The following FSTL4 variants were observed in gnomAD, a reference collection of about 807,000 sequenced individuals.
FSTL4 encodes follistatin like 4, also known as follistatin-related protein 4.
In FSTL4, 28 loss-of-function variants were observed where a neutral mutation model predicts 78.2. That is an observed-to-expected ratio of 0.36 (90% CI 0.27 to 0.49). The LOEUF is 0.49. FSTL4 is among the 20% of genes least tolerant of loss of function. The probability of loss-of-function intolerance (pLI) is 0.98; values close to 1 mark genes in which losing one functional copy is unlikely to be tolerated. For synonymous variants in FSTL4, 422 were observed against 440.5 expected, an observed-to-expected ratio of 0.96 and a Z score of 0.53; for missense variants, 922 against 1,084.9, an observed-to-expected ratio of 0.85 and a Z score of 2.11.
intron 4 of FSTL4, among the ~76,000 whole-genome samples, chr5:133,353,580 G>A (rs1216519332): frequency 6.6e-6 from 1 of 152,186 alleles, no homozygotes; most frequent in African/African-American, 2.4e-5. Context: ...TAGAAAATGA[G>A]GGACAGAGCT....
At chr5:133,626,510 C>G in the FSTL4 span, among the ~76,000 whole-genome samples, 3 of 150,540 alleles carry the variant, frequency 2.0e-5, no homozygotes, top group African/African-American at 7.3e-5. Context: ...GCCCTCTTTT[C>G]TAAGGTATGC....
At chr5:133,279,201 C>T (rs1019184408) in intron 6 of FSTL4, among the ~76,000 whole-genome samples, 12 of 152,338 alleles carry the variant, frequency 7.9e-5, no homozygotes, top group South Asian at 6.2e-4. Context: ...TGTTAGGAGC[C>T]GGGCTGCACA....
intron 3 of FSTL4, among the ~76,000 whole-genome samples, chr5:133,453,751 A>G (rs1159855823): frequency 2.6e-5 from 4 of 152,238 alleles, no homozygotes; most frequent in South Asian, 2.1e-4. Flanking sequence ...TTGGTGTCCA[A>G]TAAGGACTCT....
intron 3 of FSTL4, among the ~76,000 whole-genome samples, chr5:133,465,476 C>A (rs906247696): frequency 2.0e-5 from 3 of 152,240 alleles, no homozygotes; most frequent in Non-Finnish European, 4.4e-5. Context: ...ACATATTCCA[C>A]GAAGCCCCAA....
At chr5:133,502,010 A>ACACCTGG (rs975550496) in intron 3 of FSTL4, among the ~76,000 whole-genome samples, 11 of 152,132 alleles carry the variant, frequency 7.2e-5, no homozygotes, top group Admixed American at 1.3e-4. Context: ...AAGGCAAGGG[A>ACACCTGG]CACCTGGGGC....
chr5:133,484,606 G>A (rs964733499), intron 3 of FSTL4, among the ~76,000 whole-genome samples: 1 of 152,200 alleles, frequency 6.6e-6, no homozygotes, highest in African/African-American at 2.4e-5. Context: ...AATTTCTCCT[G>A]CTTTCTAGAC....
chr5:133,567,070 C>A, intron 3 of FSTL4, 116 bp downstream of exon 3: 5 of 785,116 alleles, frequency 6.4e-6, no homozygotes, highest in Non-Finnish European at 9.1e-6. Context: ...CAGAAAAGGC[C>A]GCATGAAATT....
chr5:133,489,364 A>T (rs10037796), intron 3 of FSTL4, among the ~76,000 whole-genome samples: 1,891 of 152,278 alleles, frequency 0.012, 39 homozygotes, highest in African/African-American at 0.044. Flanking sequence ...ATGTGGCAGT[A>T]TATGCAAGTG....
rs1047860831 is a variant in FSTL4 at position 133,261,285 on chromosome 5, C to T, written c.728-11709G>A. ...CTCAGAACGCTGTCTTGATGCCCGTCGGGGTTACTGGGAAGCCTACAAACA... is the reference window on the plus strand; with the variant it reads ...CTCAGAACGCTGTCTTGATGCCCGTTGGGGTTACTGGGAAGCCTACAAACA... On this transcript the variant is annotated intron_variant, in intron 6 of 15. Coordinates refer to ENST00000265342, the MANE Select transcript of FSTL4 (RefSeq NM_015082.2). Among the ~76,000 whole-genome samples, 8 of 152,030 alleles carry T rather than the reference C, an allele frequency of 5.3e-5. No homozygotes were observed. In the South Asian group the frequency reaches 6.2e-4, roughly 12 times the overall value.
chr5:133,517,875 G>A (rs184696233), intron 3 of FSTL4, among the ~76,000 whole-genome samples: 4 of 152,210 alleles, frequency 2.6e-5, no homozygotes, highest in East Asian at 1.9e-4. Flanking sequence ...TCTTCTTTGC[G>A]GGAGCTAAGT....
chr5:133,690,273 G>C, the FSTL4 span, among the ~76,000 whole-genome samples: 1 of 151,980 alleles, frequency 6.6e-6, no homozygotes, highest in African/African-American at 2.4e-5. Context: ...CCTCCAAAAG[G>C]GCTATCTGCC....
chr5:133,674,298 C>T, the FSTL4 span, among the ~76,000 whole-genome samples: 2 of 152,098 alleles, frequency 1.3e-5, no homozygotes, highest in Admixed American at 6.5e-5. Flanking sequence ...TCCCCCTCTG[C>T]GAGATATTTG....
chr5:133,295,475 C>A (rs907094836), intron 6 of FSTL4, among the ~76,000 whole-genome samples: 1 of 152,148 alleles, frequency 6.6e-6, no homozygotes, highest in African/African-American at 2.4e-5. Context: ...GCCTTCTTGG[C>A]CCTGCTATCC....
chr5:133,377,288 G>T (rs1172769616), intron 4 of FSTL4, among the ~76,000 whole-genome samples: 4 of 151,474 alleles, frequency 2.6e-5, no homozygotes, highest in African/African-American at 9.8e-5. Flanking sequence ...GAGATTTCAT[G>T]CTGGGAGAAG....
At chr5:133,698,368 T>G in the FSTL4 span, among the ~76,000 whole-genome samples, 1 of 152,274 alleles carries the variant, frequency 6.6e-6, no homozygotes, top group South Asian at 2.1e-4. Context: ...GGACAGTCAT[T>G]GTGGCAATGA....
intron 1 of FSTL4, among the ~76,000 whole-genome samples, chr5:133,610,264 C>A (rs1761063400): frequency 6.6e-6 from 1 of 152,150 alleles, no homozygotes; most frequent in African/African-American, 2.4e-5. Context: ...ACAAGCTGGC[C>A]TTTTCCAGAA....
At chr5:133,826,517 A>C in the FSTL4 span, among the ~76,000 whole-genome samples, 1 of 152,030 alleles carries the variant, frequency 6.6e-6, no homozygotes, top group Non-Finnish European at 1.5e-5. Context: ...GCATTCCTTG[A>C]CTTGTGGCCG....
At chr5:133,784,512 G>A in the FSTL4 span, among the ~76,000 whole-genome samples, 1 of 152,086 alleles carries the variant, frequency 6.6e-6, no homozygotes, top group African/African-American at 2.4e-5. Context: ...TGTTATCCCC[G>A]TTCTGAAGTG....
the FSTL4 span, among the ~76,000 whole-genome samples, chr5:133,652,973 C>T: frequency 6.6e-6 from 1 of 152,140 alleles, no homozygotes; most frequent in East Asian, 1.9e-4. Flanking sequence ...TCCTATGTCC[C>T]TGCCAGGACT....
Sources: allele counts gnomAD v4.1 joint callset (sites outside exome capture counted in the v4.1 genomes callset), GRCh38; gene constraint gnomAD v4.1.1; transcripts MANE v1.5; gene names NCBI Gene and HGNC (gene_info 2026-07-23, HGNC 2026-07-21).